Variants in NOA1 observed in about 807,000 individuals in gnomAD.
NOA1 encodes nitric oxide-associated protein 1.
A neutral mutation model predicts 58.4 loss-of-function variants in NOA1; 35 were observed. That is an observed-to-expected ratio of 0.60 (90% CI 0.46 to 0.79). The LOEUF (loss-of-function observed/expected upper bound fraction) is 0.79. Among genes scored for constraint, NOA1 ranks in the 30% least tolerant of loss-of-function variants. NOA1 has a pLI of 0.00. For missense variants in NOA1, 895 were observed against 894.6 expected (o/e 1.00, Z -0.01); for synonymous variants, 397 against 373.4 (o/e 1.06, Z -0.73).
At chr4:56,974,070 A>T in intron 1 of NOA1, 48 bp from the exon 2 acceptor site, 3 of 1,165,042 alleles carry the variant, frequency 2.6e-6, no homozygotes, top group Non-Finnish European at 2.3e-6. Flanking sequence ...AATAAGGGGG[A>T]AGAAAATGAA....
intron 3 of NOA1, among the ~76,000 whole-genome samples, chr4:56,971,770 G>A (rs17087333): frequency 0.011 from 1,678 of 152,242 alleles, 38 homozygotes; most frequent in African/African-American, 0.038. Flanking sequence ...ATTTAACAGA[G>A]TAAGATATAG....
At position 56,976,488 on chromosome 4, in the gene NOA1, G is replaced by A; in HGVS notation, c.1098C>T (p.Ala366=). Residue 366 remains alanine, a synonymous_variant, in exon 1 of 7, where the codon GCC becomes GCT. Transcript: ENST00000264230. ...NTLLESDYCT[A]KGSEAIDRAT... ...CTCTGTCGATGGCCTCGGAGCCCTT[G>A]GCAGTGCAGTAATCGGACTCCAGGA... is the stretch of plus-strand genomic sequence containing the variant. 1 of 1,614,208 alleles carries A rather than the reference G, an allele frequency of 6.2e-7. No individual in the cohort carries two copies. The highest frequency in any genetic ancestry group is 8.5e-7 in the Non-Finnish European group (1 of 1,180,030).
intron 1 of NOA1, among the ~76,000 whole-genome samples, chr4:56,974,884 T>G (rs1394854162): frequency 6.6e-6 from 1 of 151,508 alleles, no homozygotes; most frequent in Non-Finnish European, 1.5e-5. Context: ...GTATTTTTAG[T>G]AGACATGGGA....
At chr4:56,966,141 C>T (rs948469397) in intron 5 of NOA1, among the ~76,000 whole-genome samples, 1 of 151,616 alleles carries the variant, frequency 6.6e-6, no homozygotes, top group Non-Finnish European at 1.5e-5. Flanking sequence ...ATTCTCCTGC[C>T]TCAGCCTTCT....
In NOA1 at chr4:56,976,742, CA is replaced by C. The variant is rs757929483; in HGVS notation, c.843del (p.Gly282AlafsTer34). The stretch of plus-strand genomic sequence containing the variant: ...ACGGGGCGCTGTGGCCCTTGGTGGC[CA>C]GGGGCCAGCAGGAGCCCGGCGCGGG... The part of the protein sequence containing the change: ...DCARAGLLLA[P>X]GHQGPQRPVK... On this transcript the variant is annotated frameshift_variant, in exon 1 of 7. Transcript: ENST00000264230. LOFTEE classifies it high-confidence loss of function. The C allele has an allele frequency of 1.2e-6, 2 of 1,610,470 alleles. No homozygotes were observed. The highest frequency in any genetic ancestry group is 2.7e-5 in the African/African-American group (2 of 74,896).
Position 56,976,550 on chromosome 4 carries a change from C to T in NOA1, c.1036G>A (p.Ala346Thr). 20 of 1,614,202 alleles carry T rather than the reference C, an allele frequency of 1.2e-5. No individual in the cohort carries two copies. The highest frequency in any genetic ancestry group is 1.7e-5 in the Non-Finnish European group (20 of 1,180,028). ...AGAGTGGATTTGCCGGCGTTGGTGG[C>T]GCCCACTAAGTAGACGTCCCCACGG... ...RYRGDVYLVG[A>T]TNAGKSTLFN... The change falls in exon 1 of 7, where the codon GCC becomes ACC. Residue 346 changes from alanine to threonine, a missense_variant. This residue lies in a region of NOA1 where 680 missense variants were observed against 656.5 expected (regional missense o/e 1.04). Transcript: ENST00000264230.
intron 3 of NOA1, among the ~76,000 whole-genome samples, chr4:56,972,419 A>C (rs1721826086): frequency 6.6e-6 from 1 of 152,224 alleles, no homozygotes; most frequent in Non-Finnish European, 1.5e-5. Flanking sequence ...TAGGTGAAGA[A>C]GAGATGGGAC....
In NOA1 at chr4:56,968,264, A is replaced by C. The variant is rs80247237; in HGVS notation, c.1647+120T>G. ...AAATTTTTAAACATAAAAACAAATTAAACCCAATACAATCATGGCTTAGTT... is the reference window on the plus strand; with the variant it reads ...AAATTTTTAAACATAAAAACAAATTCAACCCAATACAATCATGGCTTAGTT... On this transcript the variant is annotated intron_variant, in intron 4 of 6. Transcript: ENST00000264230. The C allele has an allele frequency of 8.1e-4, 883 of 1,085,254 alleles. 10 individuals are homozygous for C. The African/African-American group carries it at 0.013, about 16-fold the overall frequency. The allele number at this position is 1,085,254 out of a possible 1,614,324, so 67.2% of individuals were successfully genotyped here.
intron 3 of NOA1, 134 bp downstream of exon 3, chr4:56,973,014 C>T (rs983028936): frequency 1.3e-6 from 1 of 741,042 alleles, no homozygotes; most frequent in African/African-American, 1.8e-5. Flanking sequence ...TTAGCTGGCT[C>T]TACATGCATT....
At chr4:56,974,514 G>T (rs1347348034) in intron 1 of NOA1, among the ~76,000 whole-genome samples, 1 of 152,018 alleles carries the variant, frequency 6.6e-6, no homozygotes, top group Non-Finnish European at 1.5e-5. Flanking sequence ...TTAGCTGGGT[G>T]TGGTGGTGCA....
At chr4:56,975,465 T>C (rs1469246747) in intron 1 of NOA1, among the ~76,000 whole-genome samples, 1 of 151,714 alleles carries the variant, frequency 6.6e-6, no homozygotes, top group Non-Finnish European at 1.5e-5. Flanking sequence ...ACCCTGTCTC[T>C]ACCAAAGATA....
Position 56,976,615 on chromosome 4 carries a change from A to T in NOA1, c.971T>A (p.Val324Glu). 2 of 1,614,108 alleles carry T rather than the reference A, an allele frequency of 1.2e-6. No homozygotes were observed. The highest frequency in any genetic ancestry group is 1.7e-6 in the Non-Finnish European group (2 of 1,180,010). Reference protein sequence around the residue: ...RLISAKTGYGVEELISALQRS... With the variant: ...RLISAKTGYGEEELISALQRS... ...CTGAAGGGCAGAGATCAACTCTTCC[A>T]CTCCATAGCCGGTCTTGGCGCTGAT... is the stretch of plus-strand genomic sequence containing the variant. Residue 324 changes from valine to glutamate, a missense_variant, in exon 1 of 7, where the codon GTG becomes GAG. By Grantham distance (121) the Val-to-Glu change is moderately radical (BLOSUM62 -2). Transcript: ENST00000264230.
chr4:56,963,669 G>T lies in NOA1; in HGVS notation c.1886-8C>A, dbSNP rs771665111. On this transcript the variant is annotated splice_polypyrimidine_tract_variant and splice_region_variant and intron_variant, in intron 6 of 6. Coordinates refer to ENST00000264230, the MANE Select transcript of NOA1 (RefSeq NM_032313.4). ...GTGTTACTGAAACCCAACCTATGCA[G>T]GCATGTGACACAACACAAAAGGCTG... 1 of 1,609,218 alleles carries T rather than the reference G, an allele frequency of 6.2e-7. No individual in the cohort carries two copies. Among genetic ancestry groups the T allele is most frequent in the Non-Finnish European group, 8.5e-7 (1 of 1,175,782 alleles).
rs747716979 is a variant in NOA1 at position 56,977,266 on chromosome 4, T to C, written c.320A>G (p.Gln107Arg). Residue 107 changes from glutamine (Q) to arginine (R), a missense_variant, in exon 1 of 7, where the codon CAG becomes CGG. Physicochemically the swap from Gln to Arg is conservative, Grantham distance 43 (BLOSUM62 1). This residue lies in a region of NOA1 where 680 missense variants were observed against 656.5 expected (regional missense o/e 1.04). Transcript: ENST00000264230. ...TTGCTGTCGCCGCTCCTCCCGCCGC[T>C]GCTGCCTCTGTCGCTCCTCCTCCTC... ...QQEEEERQRQ[Q>R]RREERRQQNL... 6.2e-7 allele frequency: 1 copy of C among 1,612,382 alleles called. No individual in the cohort carries two copies. The highest frequency in any genetic ancestry group is 2.2e-5 in the East Asian group (1 of 44,826).
chr4:56,972,884 T>C (rs1411460392), intron 3 of NOA1, among the ~76,000 whole-genome samples: 1 of 152,122 alleles, frequency 6.6e-6, no homozygotes, highest in African/African-American at 2.4e-5. Flanking sequence ...CAGAACTGAG[T>C]CTAAAATGGA....
At chr4:56,971,642 G>A (rs1414700126) in intron 3 of NOA1, among the ~76,000 whole-genome samples, 3 of 152,152 alleles carry the variant, frequency 2.0e-5, no homozygotes, top group Non-Finnish European at 2.9e-5. Flanking sequence ...AACCAGATTC[G>A]AAGGAAATGA....
At chr4:56,970,094 GT>G (rs1011259272) in intron 3 of NOA1, among the ~76,000 whole-genome samples, 12 of 151,976 alleles carry the variant, frequency 7.9e-5, no homozygotes, top group African/African-American at 2.9e-4. Flanking sequence ...GAGCTCAGGA[GT>G]TTGAGACCAG....
At position 56,969,441 on chromosome 4, in the gene NOA1, G is replaced by A. The variant is rs527893563; in HGVS notation, c.1516-926C>T. On this transcript the variant is annotated intron_variant, in intron 3 of 6. Transcript: ENST00000264230. ...TACAAAATTAGCCGGGCGTGGTGGC[G>A]TGCACCTGTAATCCCAGCTACTCGG... Among the ~76,000 whole-genome samples the A allele has an allele frequency of 1.9e-4, 29 of 152,100 alleles. No individual in the cohort carries two copies. The South Asian group carries it at 3.7e-3, about 20-fold the overall frequency.
rs1398110565 is a variant in NOA1, at chr4:56,973,857, C to A, written c.1309+1G>T. Reference sequence around the variant, plus strand: ...AGGGTTTTCCCATAGAGGATGCTTACCTACGACATAACCATGCTTTTTGAG... The same window carrying A: ...AGGGTTTTCCCATAGAGGATGCTTAACTACGACATAACCATGCTTTTTGAG... On this transcript the variant is annotated splice_donor_variant, in intron 2 of 6. Transcript: ENST00000264230. LOFTEE classifies it high-confidence loss of function. 6 of 1,613,698 alleles carry A rather than the reference C, an allele frequency of 3.7e-6. No individual in the cohort carries two copies. Among genetic ancestry groups the A allele is most frequent in the Non-Finnish European group, 5.1e-6 (6 of 1,179,852 alleles).
Sources: allele counts gnomAD v4.1 joint callset (sites outside exome capture counted in the v4.1 genomes callset), GRCh38; gene constraint gnomAD v4.1.1; regional missense constraint gnomAD v4.1.1; transcripts MANE v1.5; gene names NCBI Gene and HGNC (gene_info 2026-07-23, HGNC 2026-07-21).